The following TPTE2 variants were observed in gnomAD, a reference collection of about 807,000 sequenced individuals.
TPTE2 encodes the protein phosphatidylinositol 3,4,5-trisphosphate 3-phosphatase TPTE2.
A neutral mutation model predicts 78.6 loss-of-function variants in TPTE2; 53 were observed. The ratio of observed to expected loss-of-function variants is 0.67; its 90% CI spans 0.54 to 0.85. The LOEUF is 0.85. Ranked by LOEUF, TPTE2 falls within the 40% of genes least tolerant of loss-of-function variation. The probability of loss-of-function intolerance (pLI) is 0.00; values close to 1 mark genes in which losing one functional copy is unlikely to be tolerated. For synonymous variants in TPTE2, 175 were observed against 206.2 expected (o/e 0.85, Z 1.30); for missense variants, 461 against 623.0 (o/e 0.74, Z 2.77).
chr13:19,443,761 CACACACACACACACACA>C (rs1223013627), intron 13 of TPTE2, among the ~76,000 whole-genome samples: 1 of 142,704 alleles, frequency 7.0e-6, no homozygotes. Context: ...CACACACACA[CACACACACACACACACA>C]CAGTCGTTAA....
Position 19,479,774 on chromosome 13 carries a change from C to T in TPTE2, c.179+2714G>A, listed in dbSNP as rs140132510. Among the ~76,000 whole-genome samples the T allele has an allele frequency of 2.4e-3, 372 of 151,954 alleles. 1 individual carries two copies. Among genetic ancestry groups the T allele is most frequent in the African/African-American group, 7.4e-3 (306 of 41,466 alleles). ...GTCAAGAGATTGAGACCATCCTGGC[C>T]AACATGGTGAAACTCCATCTCTACT... is the stretch of plus-strand genomic sequence containing the variant. On this transcript the variant is annotated intron_variant, in intron 4 of 19. Transcript: ENST00000400230.
chr13:19,438,008 A>G, intron 14 of TPTE2, 84 bp downstream of exon 17: 1 of 1,542,824 alleles, frequency 6.5e-7, no homozygotes, highest in Non-Finnish European at 8.7e-7. Flanking sequence ...GACTCAAATA[A>G]TCATCTTAAC....
At chr13:19,506,328 C>A (rs898319302), upstream of TPTE2, among the ~76,000 whole-genome samples, 1 of 150,324 alleles carries the variant, frequency 6.7e-6, no homozygotes, top group Non-Finnish European at 1.5e-5. Flanking sequence ...CCCGCCACTA[C>A]GCCCGGCTAA....
chr13:19,556,241 T>C, the TPTE2 span, among the ~76,000 whole-genome samples: 2 of 152,072 alleles, frequency 1.3e-5, no homozygotes, highest in African/African-American at 4.8e-5. Flanking sequence ...AAGAAGGGGG[T>C]TGTTCTTTCA....
intron 1 of TPTE2, among the ~76,000 whole-genome samples, chr13:19,526,758 A>AG (rs1870529894): frequency 6.6e-6 from 1 of 151,264 alleles, no homozygotes; most frequent in Non-Finnish European, 1.5e-5. Context: ...GCATACAAAA[A>AG]AAACTGGATT....
Position 19,423,180 on chromosome 13 carries a change from A to G in TPTE2, c.1467-16T>C. The G allele has an allele frequency of 6.3e-7, 1 of 1,588,582 alleles. No homozygotes were observed. Among genetic ancestry groups the G allele is most frequent in the Non-Finnish European group, 8.6e-7 (1 of 1,168,006 alleles). The stretch of plus-strand genomic sequence containing the variant: ...TAGACAAAGCCTAAGAATAGAAAAA[A>G]AAAATTACATTTTATATTGGGGCTC... On this transcript the variant is annotated splice_polypyrimidine_tract_variant and intron_variant, in intron 19 of 19. Transcript: ENST00000400230.
chr13:19,467,146 A>G (rs1879316828), intron 7 of TPTE2, 79 bp downstream of exon 10: 1 of 1,385,536 alleles, frequency 7.2e-7, no homozygotes, highest in Admixed American at 2.6e-5. Context: ...GAAGTTGAAA[A>G]GATTATATAG....
At chr13:19,450,518 G>T (rs1566045301) in intron 11 of TPTE2, among the ~76,000 whole-genome samples, 174 bp from the exon 15 acceptor site, 5 of 152,128 alleles carry the variant, frequency 3.3e-5, no homozygotes. Context: ...CGTAAGGATG[G>T]TAGTGGTTTA....
rs1476396568 is a variant in TPTE2 at position 19,470,714 on chromosome 13, C to T, written c.392+3200G>A. Among the ~76,000 whole-genome samples the T allele has an allele frequency of 9.3e-5, 14 of 150,906 alleles. No individual in the cohort carries two copies. In the South Asian group the frequency reaches 2.3e-3, roughly 25 times the overall value. On this transcript the variant is annotated intron_variant, in intron 6 of 19. Coordinates refer to ENST00000400230, the Ensembl canonical transcript of TPTE2. ...CTAATTTTTGTATTTTTAGTACAGACGGGGTTTCACCATATTGGCCAGGCT... is the reference window on the plus strand; with the variant it reads ...CTAATTTTTGTATTTTTAGTACAGATGGGGTTTCACCATATTGGCCAGGCT...
intron 18 of TPTE2, chr13:19,425,732 G>T (rs777367503): frequency 5.8e-6 from 3 of 516,740 alleles, no homozygotes; most frequent in Non-Finnish European, 1.2e-5. Flanking sequence ...TCCACTCTCA[G>T]GTCCCTCCCT....
chr13:19,560,533 G>A, the TPTE2 span: 93 of 1,587,706 alleles, frequency 5.9e-5, 1 homozygote, highest in Middle Eastern at 6.6e-4. Flanking sequence ...CAGCGACAGC[G>A]ATGAGAAGCC....
chr13:19,438,082 T>A lies in TPTE2; in HGVS notation c.1035+10A>T. Reference sequence around the variant, plus strand: ...ATCATAAGAGAAAGTTTGTAGAACATCTTTCATACCTCGGCAGTTAAAAAT... The same window carrying A: ...ATCATAAGAGAAAGTTTGTAGAACAACTTTCATACCTCGGCAGTTAAAAAT... On this transcript the variant is annotated intron_variant, in intron 14 of 19. Coordinates refer to ENST00000400230, the Ensembl canonical transcript of TPTE2. The A allele has an allele frequency of 6.2e-7, 1 of 1,604,036 alleles. No individual in the cohort carries two copies. Among genetic ancestry groups the A allele is most frequent in the Non-Finnish European group, 8.5e-7 (1 of 1,174,332 alleles).
intron 5 of TPTE2, 83 bp from the exon 9 acceptor site, chr13:19,474,158 C>CTATA: frequency 1.6e-6 from 2 of 1,278,662 alleles, no homozygotes; most frequent in Admixed American, 5.6e-5. Context: ...TATAGCTATA[C>CTATA]TATATTTAAG....
the TPTE2 span, among the ~76,000 whole-genome samples, chr13:19,547,365 T>C: frequency 6.6e-6 from 1 of 152,170 alleles, no homozygotes; most frequent in Non-Finnish European, 1.5e-5. Flanking sequence ...ATCCAGAACA[T>C]TGAAAGATTA....
intron 14 of TPTE2, among the ~76,000 whole-genome samples, chr13:19,436,932 G>A (rs556691667): frequency 1.3e-5 from 2 of 152,032 alleles, no homozygotes; most frequent in Admixed American, 1.3e-4. Context: ...GCACAGGCCT[G>A]GAATACAGGT....
At chr13:19,485,251 G>A (rs1376417781) in intron 3 of TPTE2, among the ~76,000 whole-genome samples, 2 of 152,078 alleles carry the variant, frequency 1.3e-5, no homozygotes, top group Non-Finnish European at 2.9e-5. Context: ...TAGTGGTGAT[G>A]AATTATCTTG....
At position 19,451,808 on chromosome 13, in the gene TPTE2, A is replaced by AGTGTGT. The variant is rs201672341; in HGVS notation, c.742-589_742-584dup. Among the ~76,000 whole-genome samples the AGTGTGT allele has an allele frequency of 1.4e-3, 188 of 134,938 alleles. 1 individual carries two copies. The highest frequency in any genetic ancestry group is 2.2e-3 in the Non-Finnish European group (135 of 61,296). The allele number at this position is 134,938 out of a possible 152,430, so 88.5% of individuals were successfully genotyped here. ...AAATGAAGATATATGTGTACCTATA[A>AGTGTGT]GTGTGTGTGTGTGTGTGTGTGTGTG... On this transcript the variant is annotated intron_variant, in intron 10 of 19. Coordinates refer to ENST00000400230, the Ensembl canonical transcript of TPTE2.
At chr13:19,438,013 C>A in intron 14 of TPTE2, 79 bp downstream of exon 17, 1 of 1,565,076 alleles carries the variant, frequency 6.4e-7, no homozygotes, top group Non-Finnish European at 8.7e-7. Flanking sequence ...AAATAATCAT[C>A]TTAACGTCCT....
intron 16 of TPTE2, among the ~76,000 whole-genome samples, chr13:19,431,324 C>A (rs1203436493): frequency 1.3e-5 from 2 of 151,894 alleles, no homozygotes; most frequent in South Asian, 4.2e-4. Flanking sequence ...TAGTTATATC[C>A]AAAAATTCCT....
Sources: allele counts gnomAD v4.1 joint callset (sites outside exome capture counted in the v4.1 genomes callset), GRCh38; gene constraint gnomAD v4.1.1; transcripts MANE v1.5; gene names NCBI Gene and HGNC (gene_info 2026-07-23, HGNC 2026-07-21).